Variants in VAPA observed in about 807,000 individuals in gnomAD.
VAPA encodes the protein VAMP associated protein A.
Under a neutral mutation model 25.6 loss-of-function variants are expected in VAPA, and 6 were observed. The ratio of observed to expected loss-of-function variants is 0.23; its 90% CI spans 0.13 to 0.46. The LOEUF (loss-of-function observed/expected upper bound fraction) is 0.46. Among genes scored for constraint, VAPA ranks in the 20% least tolerant of loss-of-function variants. VAPA has a pLI of 0.99. For synonymous variants in VAPA, 112 were observed against 106.2 expected, an observed-to-expected ratio of 1.05 and a Z score of -0.34; for missense variants, 244 against 302.1, an observed-to-expected ratio of 0.81 and a Z score of 1.43.
Position 9,955,101 on chromosome 18 carries a change from G to A in VAPA, c.*890G>A, listed in dbSNP as rs981574723. Reference sequence around the variant, plus strand: ...TCAGTGAGTTGATGTGTACAGCATGGCTGTGCTCCATCTGATTTACCCCAT... The same window carrying A: ...TCAGTGAGTTGATGTGTACAGCATGACTGTGCTCCATCTGATTTACCCCAT... On this transcript the variant is annotated 3_prime_UTR_variant, in exon 6 of 6. Coordinates refer to ENST00000400000, the MANE Select transcript of VAPA (RefSeq NM_194434.3). 4.6e-5 allele frequency: 7 copies of A among 152,164 alleles called. No homozygotes were observed. Among genetic ancestry groups the A allele is most frequent in the African/African-American group, 1.4e-4 (6 of 41,444 alleles). 9.4% of individuals were successfully genotyped at this position (152,164 alleles called of 1,614,324 possible).
chr18:9,931,944 T>G lies in VAPA; in HGVS notation c.214T>G (p.Ser72Ala), dbSNP rs1163184932. Residue 72 changes from serine to alanine, a missense_variant, in exon 2 of 6, where the codon TCA (serine) becomes GCA (alanine). Ser to Ala is a moderately conservative substitution (Grantham distance 99). Around this residue, in one of 2 missense-constraint regions of VAPA, gnomAD observed 99 missense variants for 161.6 expected, o/e 0.61. Transcript: ENST00000400000. ...RPNSGIIDPG[S>A]TVTVSVMLQP... ...CAACAGTGGAATTATTGACCCAGGG[T>G]CAACTGTGACTGTTTCAGGTAGCAA... 1 of 1,603,192 alleles carries G rather than the reference T, an allele frequency of 6.2e-7. No individual in the cohort carries two copies.
intron 3 of VAPA, 59 bp from the exon 4 acceptor site, chr18:9,936,927 A>G: frequency 6.6e-7 from 1 of 1,507,122 alleles, no homozygotes; most frequent in Non-Finnish European, 9.2e-7. Context: ...CCGTGAGGTG[A>G]AACTTACTTA....
At position 9,932,011 on chromosome 18, in the gene VAPA, A is replaced by G. The variant is rs530780479; in HGVS notation, c.232+49A>G. The G allele has an allele frequency of 3.6e-5, 50 of 1,381,568 alleles. No homozygotes were observed. In the East Asian group the frequency reaches 1.0e-3, roughly 28 times the overall value. 85.6% of individuals were successfully genotyped at this position (1,381,568 alleles called of 1,614,324 possible). ...ATGTACATTTGAATTTTGACCTTTT[A>G]TGATTATGTTTTTGTTTAATAAGGT... On this transcript the variant is annotated intron_variant, in intron 2 of 5. Coordinates refer to ENST00000400000, the MANE Select transcript of VAPA (RefSeq NM_194434.3).
chr18:9,920,430 G>A (rs1475143003), intron 1 of VAPA, among the ~76,000 whole-genome samples: 1 of 152,152 alleles, frequency 6.6e-6, no homozygotes, highest in Non-Finnish European at 1.5e-5. Flanking sequence ...AGCCTCCCAA[G>A]TAGCTGGGAT....
intron 1 of VAPA, among the ~76,000 whole-genome samples, chr18:9,920,643 A>G (rs1340905447): frequency 6.6e-6 from 1 of 152,192 alleles, no homozygotes; most frequent in East Asian, 1.9e-4. Flanking sequence ...CTGCTGCTGG[A>G]ACTACGCTTT....
intron 2 of VAPA, 117 bp downstream of exon 2, chr18:9,932,079 T>C (rs1439887427): frequency 1.3e-6 from 1 of 784,312 alleles, no homozygotes; most frequent in Non-Finnish European, 1.9e-6. Flanking sequence ...TATTCTGGTT[T>C]TGCCTTTAAA....
At position 9,944,604 on chromosome 18, in the gene VAPA, A is replaced by T. The variant is rs149566370; in HGVS notation, c.418-5791A>T. On this transcript the variant is annotated intron_variant, in intron 4 of 5. Transcript: ENST00000400000. Reference sequence around the variant, plus strand: ...ACAATTATTAATTAGTAAACATTAAAAGCCACAAAGAATTAGATGGTATTC... The same window carrying T: ...ACAATTATTAATTAGTAAACATTAATAGCCACAAAGAATTAGATGGTATTC... 3.1e-3 allele frequency among the ~76,000 whole-genome samples: 470 copies of T among 152,348 alleles called. 6 individuals are homozygous for T. Among genetic ancestry groups the T allele is most frequent in the African/African-American group, 0.011 (448 of 41,578 alleles).
chr18:9,920,746 A>C (rs1416504987), intron 1 of VAPA, among the ~76,000 whole-genome samples: 2 of 151,918 alleles, frequency 1.3e-5, no homozygotes, highest in Non-Finnish European at 2.9e-5. Flanking sequence ...CCACTGCCTA[A>C]CTCTCCAGCC....
At chr18:9,953,180 C>G (rs1201195760) in intron 5 of VAPA, among the ~76,000 whole-genome samples, 3 of 152,222 alleles carry the variant, frequency 2.0e-5, no homozygotes, top group Non-Finnish European at 2.9e-5. Context: ...GAGAAACCTT[C>G]TGCTCTAAAG....
chr18:9,921,470 G>T (rs1567891821), intron 1 of VAPA, among the ~76,000 whole-genome samples: 1 of 152,124 alleles, frequency 6.6e-6, no homozygotes, highest in Non-Finnish European at 1.5e-5. Context: ...ATAAAGAATA[G>T]GGAAAACTAT....
In VAPA at chr18:9,956,503, GAGAT is replaced by G. The variant is rs1023077466; in HGVS notation, c.*2297_*2300del. ...AATGCATTATGCCATGGTTGCTTTT[GAGAT>G]AGATTGTAGTCTGGGTAGCATCTTT... On this transcript the variant is annotated 3_prime_UTR_variant, in exon 6 of 6. Transcript: ENST00000400000. The G allele has an allele frequency of 3.3e-5, 5 of 152,590 alleles. No individual in the cohort carries two copies. The highest frequency in any genetic ancestry group is 1.2e-4 in the African/African-American group (5 of 41,428). 9.5% of individuals were successfully genotyped at this position (152,590 alleles called of 1,614,324 possible). A position where few individuals can be genotyped will look rare whatever the true frequency, so the allele number is the denominator to read the frequency against.
intron 1 of VAPA, among the ~76,000 whole-genome samples, chr18:9,917,381 C>G (rs1318024648): frequency 6.6e-6 from 1 of 152,128 alleles, no homozygotes; most frequent in Non-Finnish European, 1.5e-5. Context: ...GTCTCTGCCT[C>G]CCGGGTTCAA....
At chr18:9,938,833 T>TGAAC (rs1411404682) in intron 4 of VAPA, among the ~76,000 whole-genome samples, 1 of 152,230 alleles carries the variant, frequency 6.6e-6, no homozygotes, top group Admixed American at 6.5e-5. Flanking sequence ...AGGAGTACAG[T>TGAAC]GAACCTCTGT....
At chr18:9,924,336 A>G (rs1395010810) in intron 1 of VAPA, among the ~76,000 whole-genome samples, 1 of 152,234 alleles carries the variant, frequency 6.6e-6, no homozygotes, top group Non-Finnish European at 1.5e-5. Context: ...AGTAAGTAGC[A>G]TGCACTAATT....
chr18:9,944,129 G>T (rs1567899808), intron 4 of VAPA, among the ~76,000 whole-genome samples: 1 of 151,764 alleles, frequency 6.6e-6, no homozygotes, highest in Non-Finnish European at 1.5e-5. Context: ...GATTACAAGC[G>T]TGAGCCACCG....
At chr18:9,920,394 C>T (rs1412657457) in intron 1 of VAPA, among the ~76,000 whole-genome samples, 3 of 152,194 alleles carry the variant, frequency 2.0e-5, no homozygotes, top group African/African-American at 7.2e-5. Context: ...CCTCTGCCTC[C>T]CGAGTTCAAG....
At chr18:9,939,665 G>A (rs1036866738) in intron 4 of VAPA, among the ~76,000 whole-genome samples, 5 of 151,852 alleles carry the variant, frequency 3.3e-5, no homozygotes, top group African/African-American at 7.3e-5. Context: ...TCCTGTGATC[G>A]AAAGTTTGAA....
chr18:9,954,303 A>G lies in VAPA; in HGVS notation c.*92A>G, dbSNP rs2069521256. ...TACCATTTCATTGGTAGTATGGCCC[A>G]CGGTGACCATTTTTTTGTGTGTACA... On this transcript the variant is annotated 3_prime_UTR_variant, in exon 6 of 6. Transcript: ENST00000400000. The G allele has an allele frequency of 1.7e-6, 2 of 1,157,812 alleles. No individual in the cohort carries two copies. The highest frequency in any genetic ancestry group is 2.5e-6 in the Non-Finnish European group (2 of 815,562). The allele number at this position is 1,157,812 out of a possible 1,614,324, so 71.7% of individuals were successfully genotyped here.
intron 1 of VAPA, chr18:9,915,092 A>C (rs1292855891): frequency 6.6e-6 from 1 of 152,412 alleles, no homozygotes; most frequent in African/African-American, 2.4e-5. Flanking sequence ...GCGATGCGTC[A>C]GCCGCAAACG....
Sources: allele counts gnomAD v4.1 joint callset (sites outside exome capture counted in the v4.1 genomes callset), GRCh38; gene constraint gnomAD v4.1.1; regional missense constraint gnomAD v4.1.1; transcripts MANE v1.5; gene names NCBI Gene and HGNC (gene_info 2026-07-23, HGNC 2026-07-21).